Variants in IGF2R observed in about 807,000 individuals in gnomAD.
IGF2R encodes the protein cation-independent mannose-6-phosphate receptor.
Under a neutral mutation model 270.6 loss-of-function variants are expected in IGF2R, and 91 were observed. The ratio of observed to expected loss-of-function variants is 0.34; its 90% CI spans 0.28 to 0.40. IGF2R has a LOEUF of 0.40. Among genes scored for constraint, IGF2R ranks in the 10% least tolerant of loss-of-function variants. The pLI, the probability that IGF2R is intolerant of heterozygous loss-of-function variation, is 1.00. For synonymous variants in IGF2R, 1,316 were observed against 1,258.9 expected (o/e 1.05, Z -0.96); for missense variants, 2,805 against 3,188.3 (o/e 0.88, Z 2.90).
At position 159,994,592 on chromosome 6, in the gene IGF2R, C is replaced by A. The variant is rs7766790; in HGVS notation, c.289+3269C>A. 6.9e-3 allele frequency among the ~76,000 whole-genome samples: 1,051 copies of A among 152,044 alleles called. 16 individuals carry two copies. The highest frequency in any genetic ancestry group is 0.024 in the African/African-American group (998 of 41,488). On this transcript the variant is annotated intron_variant, in intron 2 of 47. Coordinates refer to ENST00000356956, the MANE Select transcript of IGF2R (RefSeq NM_000876.4). ...TGTAGGCATTTAGTGCTATAAACTT[C>A]CCTCTTACCGCTGCTTTGCTGTATC...
intron 20 of IGF2R, 152 bp downstream of exon 20, chr6:160,056,677 G>A: frequency 1.6e-6 from 1 of 636,314 alleles, no homozygotes; most frequent in Non-Finnish European, 2.8e-6. Context: ...GTCACCCAGA[G>A]TTCCTCTCCA....
intron 16 of IGF2R, 48 bp from the exon 17 acceptor site, chr6:160,047,744 C>T (rs754561219): frequency 8.8e-6 from 10 of 1,132,196 alleles, no homozygotes; most frequent in Admixed American, 5.0e-5. Context: ...TTTTATGTCA[C>T]GTGTCTTTCT....
intron 4 of IGF2R, among the ~76,000 whole-genome samples, chr6:160,016,003 C>A (rs545163338): frequency 1.3e-5 from 2 of 152,212 alleles, no homozygotes; most frequent in Non-Finnish European, 2.9e-5. Flanking sequence ...GCTTCCTGTA[C>A]AACCTGCAGA....
At chr6:160,061,983 T>C (rs1778450462) in intron 25 of IGF2R, 55 bp downstream of exon 25, 5 of 1,527,224 alleles carry the variant, frequency 3.3e-6, no homozygotes, top group Non-Finnish European at 4.5e-6. Flanking sequence ...CATTTCCCAT[T>C]TCCCTTGAAC....
Position 160,104,169 on chromosome 6 carries a change from A to G in IGF2R, c.7065+354A>G, listed in dbSNP as rs8191953. Among the ~76,000 whole-genome samples the G allele has an allele frequency of 7.3e-3, 1,111 of 152,272 alleles. 14 individuals are homozygous for G. Among genetic ancestry groups the G allele is most frequent in the African/African-American group, 0.025 (1,020 of 41,544 alleles). ...ATTTCTTTCAGGTAAATTTGCAGAA[A>G]AGAGGCATTATCTGGATCAAAGGAC... On this transcript the variant is annotated intron_variant, in intron 47 of 47. Coordinates refer to ENST00000356956, the MANE Select transcript of IGF2R (RefSeq NM_000876.4).
intron 5 of IGF2R, among the ~76,000 whole-genome samples, chr6:160,026,409 G>A (rs767243999): frequency 1.3e-5 from 2 of 152,164 alleles, no homozygotes; most frequent in African/African-American, 2.4e-5. Flanking sequence ...TCACTCATTC[G>A]TGGGAGAAGG....
In IGF2R at chr6:160,100,276, C is replaced by G. The variant is rs181272782; in HGVS notation, c.6843-2243C>G. 2.6e-3 allele frequency among the ~76,000 whole-genome samples: 388 copies of G among 151,690 alleles called. 1 individual carries two copies. Among genetic ancestry groups the G allele is most frequent in the Middle Eastern group, 0.01 (3 of 294 alleles). On this transcript the variant is annotated intron_variant, in intron 45 of 47. Transcript: ENST00000356956. ...GCCTAAAACAAGGATACAGAAAAGA[C>G]CAAAGTCAAAGGAGAAGAAAAGATA...
rs1418146683 is a variant in IGF2R at position 160,064,260 on chromosome 6, A to G, written c.3887-141A>G. 108 of 923,756 alleles carry G rather than the reference A, an allele frequency of 1.2e-4. No individual in the cohort carries two copies. The East Asian group carries it at 2.5e-3, about 22-fold the overall frequency. 57.2% of individuals were successfully genotyped at this position (923,756 alleles called of 1,614,324 possible). On this transcript the variant is annotated intron_variant, in intron 27 of 47. Coordinates refer to ENST00000356956, the MANE Select transcript of IGF2R (RefSeq NM_000876.4). ...TTTTATTCCCAAAGTGTAATGTGACAGGAGTGCATGGTATGGTGCTGGGAG... is the reference window on the plus strand; with the variant it reads ...TTTTATTCCCAAAGTGTAATGTGACGGGAGTGCATGGTATGGTGCTGGGAG...
chr6:159,990,631 T>C (rs79039414), intron 1 of IGF2R, among the ~76,000 whole-genome samples: 1 of 146,978 alleles, frequency 6.8e-6, no homozygotes, highest in African/African-American at 2.5e-5. Context: ...AAGATATTTC[T>C]TTTTTTTTTT....
chr6:160,089,878 G>A, intron 43 of IGF2R, 38 bp from the exon 44 acceptor site: 2 of 1,435,056 alleles, frequency 1.4e-6, no homozygotes, highest in Non-Finnish European at 1.9e-6. Context: ...CCTTCTTGAA[G>A]GACTTCCATG....
At chr6:160,014,566 A>G (rs1032985828) in intron 4 of IGF2R, among the ~76,000 whole-genome samples, 1 of 152,232 alleles carries the variant, frequency 6.6e-6, no homozygotes, top group South Asian at 2.1e-4. Flanking sequence ...GTCTTGGTGA[A>G]ATGCAGCTGT....
intron 1 of IGF2R, among the ~76,000 whole-genome samples, chr6:159,983,107 C>T (rs1783830719): frequency 6.6e-6 from 1 of 152,180 alleles, no homozygotes. Context: ...TTAGAACTCA[C>T]TCAGTGGAGA....
At chr6:159,976,707 T>C (rs1783699380) in intron 1 of IGF2R, among the ~76,000 whole-genome samples, 1 of 152,228 alleles carries the variant, frequency 6.6e-6, no homozygotes, top group Non-Finnish European at 1.5e-5. Context: ...AAGTTCTATC[T>C]GTTTCAACTT....
At chr6:160,097,703 C>T (rs1040052250) in intron 45 of IGF2R, among the ~76,000 whole-genome samples, 1 of 152,148 alleles carries the variant, frequency 6.6e-6, no homozygotes, top group Admixed American at 6.5e-5. Context: ...GAATTCTTGC[C>T]ATGTAATTGT....
intron 1 of IGF2R, among the ~76,000 whole-genome samples, chr6:159,978,375 C>G (rs910175): frequency 0.25 from 37,802 of 151,772 alleles, 5,290 homozygotes; most frequent in East Asian, 0.59. Context: ...GGGGGTCACC[C>G]TCCTGCATGT....
At chr6:160,071,619 C>T (rs990235646) in intron 31 of IGF2R, among the ~76,000 whole-genome samples, 2 of 152,180 alleles carry the variant, frequency 1.3e-5, no homozygotes, top group Admixed American at 1.3e-4. Flanking sequence ...CTTTGCACGC[C>T]TGTCCCCAAC....
chr6:160,072,106 C>T, intron 32 of IGF2R, 70 bp downstream of exon 32: 1 of 1,597,066 alleles, frequency 6.3e-7, no homozygotes, highest in African/African-American at 1.3e-5. Context: ...CCCAGCTCAT[C>T]AGGGGAGAGA....
intron 32 of IGF2R, 126 bp downstream of exon 32, chr6:160,072,162 A>C: frequency 2.5e-6 from 3 of 1,193,052 alleles, no homozygotes; most frequent in Non-Finnish European, 3.6e-6. Flanking sequence ...CAGAGGTGTC[A>C]TGGTGTGTGG....
intron 10 of IGF2R, 85 bp downstream of exon 10, chr6:160,034,607 G>C: frequency 1.1e-6 from 1 of 889,076 alleles, no homozygotes. Flanking sequence ...TCTTGGAAGT[G>C]AACACTGAAT....
Sources: gnomAD v4.1 joint callset for allele counts (sites outside exome capture counted in the v4.1 genomes callset) on GRCh38, gnomAD v4.1.1 for gene constraint, MANE v1.5 for transcripts, NCBI Gene and HGNC (gene_info 2026-07-23, HGNC 2026-07-21) for gene names.